The following ROBO2 variants were observed in gnomAD, a reference collection of about 807,000 sequenced individuals.
ROBO2 encodes the protein roundabout guidance receptor 2, also known as roundabout homolog 2.
In ROBO2, 53 loss-of-function variants were observed where a neutral mutation model predicts 160.8. The observed-to-expected ratio is 0.33, with a 90% CI of 0.26 to 0.41. The LOEUF is 0.41. ROBO2 is among the 10% of genes least tolerant of loss of function. ROBO2 has a pLI of 1.00. For synonymous variants in ROBO2, 664 were observed against 611.7 expected, an observed-to-expected ratio of 1.09 and a Z score of -1.26; for missense variants, 1,577 against 1,722.4, an observed-to-expected ratio of 0.92 and a Z score of 1.49.
rs147720410 is a variant in ROBO2 at position 76,177,497 on chromosome 3, A to G, written c.109+239895A>G. ...AGTAGCTGTCAATGACATTTTGTAA[A>G]TATCTGGTTTATGAATATGTTGATT... On this transcript the variant is annotated intron_variant, in intron 2 of 26. Coordinates refer to the ROBO2 transcript ENST00000487694. Among the ~76,000 whole-genome samples, 430 of 152,248 alleles carry G rather than the reference A, an allele frequency of 2.8e-3. 4 individuals carry two copies. Among genetic ancestry groups the G allele is most frequent in the African/African-American group, 0.01 (420 of 41,552 alleles).
At chr3:76,888,558 CA>C (rs1429673392) in intron 2 of ROBO2, among the ~76,000 whole-genome samples, 6 of 152,250 alleles carry the variant, frequency 3.9e-5, no homozygotes, top group African/African-American at 1.4e-4. Flanking sequence ...AGTTTTATAA[CA>C]ACTTCAATCA....
chr3:76,543,522 T>C (rs2082927051), intron 2 of ROBO2, among the ~76,000 whole-genome samples: 1 of 152,096 alleles, frequency 6.6e-6, no homozygotes, highest in African/African-American at 2.4e-5. Context: ...ATGTAGCAGT[T>C]TGGTAAAGAG....
At chr3:76,144,714 C>T (rs907137633) in intron 2 of ROBO2, among the ~76,000 whole-genome samples, 4 of 152,008 alleles carry the variant, frequency 2.6e-5, no homozygotes, top group Non-Finnish European at 4.4e-5. Context: ...AGAGTAGTCA[C>T]GTTTTCATTG....
At chr3:77,354,206 A>C (rs1318885700) in intron 2 of ROBO2, among the ~76,000 whole-genome samples, 1 of 152,190 alleles carries the variant, frequency 6.6e-6, no homozygotes, top group Non-Finnish European at 1.5e-5. Context: ...TTTCCTGAAC[A>C]AGTAGTTGTT....
At chr3:76,326,536 A>C (rs941813900) in intron 2 of ROBO2, among the ~76,000 whole-genome samples, 1 of 152,144 alleles carries the variant, frequency 6.6e-6, no homozygotes, top group Admixed American at 6.6e-5. Context: ...ACATTGCATA[A>C]TGCATATATT....
intron 2 of ROBO2, among the ~76,000 whole-genome samples, chr3:76,476,223 C>T (rs1180350879): frequency 6.6e-6 from 1 of 152,098 alleles, no homozygotes; most frequent in African/African-American, 2.4e-5. Flanking sequence ...TATTAGTCTT[C>T]GTCTTTAACA....
chr3:75,972,215 G>C (rs2065015944), intron 2 of ROBO2, among the ~76,000 whole-genome samples: 1 of 151,638 alleles, frequency 6.6e-6, no homozygotes, highest in Admixed American at 6.6e-5. Flanking sequence ...ACTTTTAAGA[G>C]AGTTATGAAA....
chr3:77,527,598 C>G (rs1316366665), intron 6 of ROBO2, among the ~76,000 whole-genome samples, 184 bp downstream of exon 7: 1 of 151,414 alleles, frequency 6.6e-6, no homozygotes, highest in Non-Finnish European at 1.5e-5. Flanking sequence ...TTTGTAGTGA[C>G]TTTTGCTACA....
intron 2 of ROBO2, among the ~76,000 whole-genome samples, chr3:76,651,658 A>T (rs2109890321): frequency 6.6e-6 from 1 of 152,188 alleles, no homozygotes; most frequent in South Asian, 2.1e-4. Context: ...AAAGTGAAAA[A>T]CTACTTGAAT....
intron 2 of ROBO2, among the ~76,000 whole-genome samples, chr3:76,079,135 A>G (rs1030136917): frequency 2.6e-5 from 4 of 152,228 alleles, no homozygotes; most frequent in African/African-American, 9.6e-5. Flanking sequence ...AATGGTTATA[A>G]TAAACTGGGA....
chr3:77,520,543 G>T (rs1365427033), intron 5 of ROBO2, among the ~76,000 whole-genome samples: 2 of 150,930 alleles, frequency 1.3e-5, no homozygotes, highest in Non-Finnish European at 3.0e-5. Flanking sequence ...TTGGAATCAT[G>T]GCTTCACATA....
At chr3:76,381,023 C>T (rs980700430) in intron 2 of ROBO2, among the ~76,000 whole-genome samples, 14 of 140,248 alleles carry the variant, frequency 1.0e-4, no homozygotes, top group East Asian at 4.0e-4. Flanking sequence ...TTACAGCTTA[C>T]GTGAGCGGAC....
chr3:77,193,796 A>G (rs2082089003), intron 2 of ROBO2, among the ~76,000 whole-genome samples: 1 of 152,124 alleles, frequency 6.6e-6, no homozygotes, highest in Non-Finnish European at 1.5e-5. Flanking sequence ...CTTAAAATTT[A>G]TACAAATTTT....
At chr3:77,045,061 C>T (rs67429322) in intron 1 of ROBO2, among the ~76,000 whole-genome samples, 14,677 of 151,916 alleles carry the variant, frequency 0.097, 912 homozygotes, top group East Asian at 0.21. Flanking sequence ...GGGAGGGAGG[C>T]GGGCGGTAGG....
intron 6 of ROBO2, among the ~76,000 whole-genome samples, chr3:77,532,522 A>T: frequency 6.6e-6 from 1 of 151,528 alleles, no homozygotes; most frequent in Admixed American, 6.6e-5. Context: ...TTTCTGTTTT[A>T]CTTTCTCATT....
intron 2 of ROBO2, among the ~76,000 whole-genome samples, chr3:76,166,997 T>G (rs1375064006): frequency 6.6e-6 from 1 of 152,100 alleles, no homozygotes; most frequent in Non-Finnish European, 1.5e-5. Flanking sequence ...CAGGCTGGAG[T>G]GCAGTGGCGT....
chr3:77,158,393 G>A (rs1315545890), intron 2 of ROBO2, among the ~76,000 whole-genome samples: 2 of 152,052 alleles, frequency 1.3e-5, no homozygotes, highest in African/African-American at 4.8e-5. Flanking sequence ...ATGTAGTTCA[G>A]TGTGTGAAAA....
At chr3:77,316,499 A>T (rs1462643459) in intron 2 of ROBO2, among the ~76,000 whole-genome samples, 1 of 152,118 alleles carries the variant, frequency 6.6e-6, no homozygotes, top group Non-Finnish European at 1.5e-5. Context: ...TTTCTAGATA[A>T]AAAAGAAACT....
At position 75,944,460 on chromosome 3, in the gene ROBO2, A is replaced by C. The variant is rs574927665; in HGVS notation, c.109+6858A>C. On this transcript the variant is annotated intron_variant, in intron 2 of 26. Transcript: ENST00000487694. ...TGTGTTACTTATTACATTTCTTTTA[A>C]AAAACTCATGAATTACACATGAATT... is the stretch of plus-strand genomic sequence containing the variant. Among the ~76,000 whole-genome samples the C allele has an allele frequency of 2.5e-3, 388 of 152,224 alleles. 2 individuals carry two copies. Among genetic ancestry groups the C allele is most frequent in the African/African-American group, 8.8e-3 (366 of 41,538 alleles).
Sources: allele counts gnomAD v4.1 joint callset (sites outside exome capture counted in the v4.1 genomes callset), GRCh38; gene constraint gnomAD v4.1.1; transcripts MANE v1.5; gene names NCBI Gene and HGNC (gene_info 2026-07-23, HGNC 2026-07-21).